Variants in GRID2 observed in about 807,000 individuals in gnomAD.
GRID2 encodes glutamate ionotropic receptor delta type subunit 2.
Under a neutral mutation model 114.8 loss-of-function variants are expected in GRID2, and 33 were observed. The observed-to-expected ratio is 0.29, with a 90% CI of 0.22 to 0.38. The LOEUF is 0.38. Ranked by LOEUF, GRID2 falls within the 10% of genes least tolerant of loss-of-function variation. The pLI, the probability that GRID2 is intolerant of heterozygous loss-of-function variation, is 1.00. For synonymous variants in GRID2, 505 were observed against 449.9 expected (o/e 1.12, Z -1.55); for missense variants, 1,184 against 1,257.7 (o/e 0.94, Z 0.89).
chr4:92,404,240 G>A (rs1459554818), intron 1 of GRID2, among the ~76,000 whole-genome samples: 1 of 152,050 alleles, frequency 6.6e-6, no homozygotes, highest in Non-Finnish European at 1.5e-5. Context: ...TAAGAGTTAG[G>A]TAACTTTTCT....
chr4:93,321,633 T>C (rs1757225486), intron 8 of GRID2, among the ~76,000 whole-genome samples: 1 of 152,114 alleles, frequency 6.6e-6, no homozygotes, highest in South Asian at 2.1e-4. Context: ...ACCTAATATA[T>C]TCTTACCTCA....
At chr4:93,053,939 A>G (rs1255823327) in intron 2 of GRID2, among the ~76,000 whole-genome samples, 3 of 152,060 alleles carry the variant, frequency 2.0e-5, no homozygotes, top group South Asian at 4.1e-4. Flanking sequence ...TTGCATCTCA[A>G]TCTATTCAAA....
Position 93,534,801 on chromosome 4 carries a change from TACC to T in GRID2, c.2193+19393_2193+19395del, listed in dbSNP as rs1405303358. ...ATGTATGTATACATTGGGAAATGAT[TACC>T]ACAACCAAGCTAACTAACACACCCA... is the stretch of plus-strand genomic sequence containing the variant. On this transcript the variant is annotated intron_variant, in intron 13 of 15. Transcript: ENST00000282020. Among the ~76,000 whole-genome samples the T allele has an allele frequency of 2.0e-5, 3 of 151,894 alleles. No individual in the cohort carries two copies. The East Asian group carries it at 5.8e-4, about 29-fold the overall frequency.
intron 1 of GRID2, among the ~76,000 whole-genome samples, chr4:92,442,115 G>A (rs528630237): frequency 7.7e-6 from 1 of 129,666 alleles, no homozygotes; most frequent in East Asian, 2.2e-4. Context: ...TGGAGTGGGT[G>A]CCTCCATATT....
At chr4:92,763,335 C>T (rs1384661133) in intron 2 of GRID2, among the ~76,000 whole-genome samples, 2 of 152,112 alleles carry the variant, frequency 1.3e-5, no homozygotes, top group Admixed American at 6.5e-5. Flanking sequence ...GAAAAATGCA[C>T]ATATATGTAT....
At chr4:93,626,239 T>C (rs1275002252) in intron 13 of GRID2, 30 bp from the exon 14 acceptor site, 1 of 1,380,146 alleles carries the variant, frequency 7.2e-7, no homozygotes, top group Non-Finnish European at 1.0e-6. Context: ...TTAAACCCTA[T>C]TTCTTCTTTT....
intron 14 of GRID2, among the ~76,000 whole-genome samples, chr4:93,695,712 G>A (rs1220617172): frequency 6.6e-6 from 1 of 152,150 alleles, no homozygotes; most frequent in African/African-American, 2.4e-5. Flanking sequence ...CAAACTAGTT[G>A]ATTAGGAGAC....
In GRID2 at chr4:92,835,412, ATGTTTATAAT is replaced by A. The variant is rs532543536; in HGVS notation, c.244+245135_244+245144del. Among the ~76,000 whole-genome samples, 53 of 152,308 alleles carry A rather than the reference ATGTTTATAAT, an allele frequency of 3.5e-4. 1 individual carries two copies. The highest frequency in any genetic ancestry group is 1.0e-3 in the African/African-American group (43 of 41,584). ...AGAGGCATGTAAGAATATTATAAAA[ATGTTTATAAT>A]TGTTTATATTATCTGTCTATCTAGT... On this transcript the variant is annotated intron_variant, in intron 2 of 15. Transcript: ENST00000282020.
chr4:93,610,939 G>T (rs929224528), intron 13 of GRID2, among the ~76,000 whole-genome samples: 1 of 138,672 alleles, frequency 7.2e-6, no homozygotes, highest in Non-Finnish European at 1.5e-5. Context: ...GAATCCATCT[G>T]GTCCTGGACT....
chr4:93,500,589 T>G (rs995182645), intron 12 of GRID2, among the ~76,000 whole-genome samples: 1 of 151,998 alleles, frequency 6.6e-6, no homozygotes, highest in South Asian at 2.1e-4. Context: ...GTTGTCTTTT[T>G]GCCCTGCTGC....
intron 13 of GRID2, among the ~76,000 whole-genome samples, chr4:93,599,715 G>C (rs930798734): frequency 6.6e-6 from 1 of 152,134 alleles, no homozygotes; most frequent in Non-Finnish European, 1.5e-5. Context: ...TATGACCCTT[G>C]AGAGAAGAAA....
At chr4:92,843,158 C>T (rs1183007096) in intron 2 of GRID2, among the ~76,000 whole-genome samples, 3 of 151,990 alleles carry the variant, frequency 2.0e-5, no homozygotes, top group African/African-American at 4.8e-5. Context: ...GGGAGAATCG[C>T]TTGAACCAGG....
At chr4:93,459,231 G>A (rs567432862) in intron 11 of GRID2, among the ~76,000 whole-genome samples, 427 of 144,950 alleles carry the variant, frequency 2.9e-3, no homozygotes, top group Non-Finnish European at 5.2e-3. Flanking sequence ...GGAGAGAGTA[G>A]TAGAGGTCTC....
At position 92,915,026 on chromosome 4, in the gene GRID2, A is replaced by G. The variant is rs140102672; in HGVS notation, c.245-169969A>G. The stretch of plus-strand genomic sequence containing the variant: ...GACTCACAGTCCAGCATGGCTGAAG[A>G]GTCCCCATGAAACTTACAATCATGG... On this transcript the variant is annotated intron_variant, in intron 2 of 15. Transcript: ENST00000282020. Among the ~76,000 whole-genome samples, 453 of 152,300 alleles carry G rather than the reference A, an allele frequency of 3.0e-3. 3 individuals carry two copies. The highest frequency in any genetic ancestry group is 0.011 in the African/African-American group (440 of 41,572).
intron 1 of GRID2, among the ~76,000 whole-genome samples, chr4:92,334,798 C>G (rs1190643783): frequency 6.6e-6 from 1 of 152,180 alleles, no homozygotes; most frequent in Non-Finnish European, 1.5e-5. Flanking sequence ...AAAACCTACA[C>G]TTGCTCTCTC....
chr4:93,085,672 A>C (rs1192613355), intron 3 of GRID2, among the ~76,000 whole-genome samples: 1 of 152,176 alleles, frequency 6.6e-6, no homozygotes, highest in Non-Finnish European at 1.5e-5. Flanking sequence ...TAGAACACTG[A>C]AAATTTACCT....
intron 2 of GRID2, among the ~76,000 whole-genome samples, chr4:92,632,111 T>C (rs1372102620): frequency 6.6e-6 from 1 of 152,154 alleles, no homozygotes; most frequent in Non-Finnish European, 1.5e-5. Flanking sequence ...ATTTCAAAGG[T>C]CATTTAAATT....
At chr4:92,353,213 T>G (rs1228353464) in intron 1 of GRID2, among the ~76,000 whole-genome samples, 1 of 151,868 alleles carries the variant, frequency 6.6e-6, no homozygotes, top group African/African-American at 2.4e-5. Context: ...TTTTGTTTTG[T>G]TCATACATAG....
intron 1 of GRID2, among the ~76,000 whole-genome samples, chr4:92,344,555 C>G (rs576473114): frequency 6.6e-6 from 1 of 152,136 alleles, no homozygotes; most frequent in African/African-American, 2.4e-5. Context: ...GGGCAGTGCT[C>G]GACAGGGACA....
Sources: gnomAD v4.1 joint callset for allele counts (sites outside exome capture counted in the v4.1 genomes callset) on GRCh38, gnomAD v4.1.1 for gene constraint, MANE v1.5 for transcripts, NCBI Gene and HGNC (gene_info 2026-07-23, HGNC 2026-07-21) for gene names.